Variants in PCDH17 observed in about 807,000 individuals in gnomAD.
PCDH17 encodes the protein protocadherin-17.
In PCDH17, 21 loss-of-function variants were observed where a neutral mutation model predicts 67.7. The observed-to-expected ratio is 0.31, with a 90% CI of 0.22 to 0.45. PCDH17 has a LOEUF of 0.45. Among genes scored for constraint, PCDH17 ranks in the 20% least tolerant of loss-of-function variants. PCDH17 has a pLI of 1.00. For synonymous variants in PCDH17, 701 were observed against 656.7 expected (o/e 1.07, Z -1.03); for missense variants, 1,471 against 1,564.8 (o/e 0.94, Z 1.01).
intron 3 of PCDH17, among the ~76,000 whole-genome samples, chr13:57,671,835 G>C (rs1955326140): frequency 6.6e-6 from 1 of 151,968 alleles, no homozygotes; most frequent in Admixed American, 6.6e-5. Flanking sequence ...AAGTGGCGGT[G>C]GGATCATCAC....
chr13:57,729,270 A>G lies in PCDH17; in HGVS notation c.*3976A>G, dbSNP rs1045858228. 2.0e-5 allele frequency: 3 copies of G among 152,126 alleles called. No individual in the cohort carries two copies. The highest frequency in any genetic ancestry group is 2.4e-5 in the African/African-American group (1 of 41,440). 9.4% of individuals were successfully genotyped at this position (152,126 alleles called of 1,614,324 possible). A position where few individuals can be genotyped will look rare whatever the true frequency, so the allele number is the denominator to read the frequency against. ...TTAATGGCTGTGTTTAATGTGATCT[A>G]TCTGGAAAATGAGGACTCCGAATAA... On this transcript the variant is annotated 3_prime_UTR_variant, in exon 4 of 4. Transcript: ENST00000377918.
chr13:57,640,496 C>G (rs773026132), intron 1 of PCDH17, among the ~76,000 whole-genome samples: 1 of 152,022 alleles, frequency 6.6e-6, no homozygotes, highest in East Asian at 1.9e-4. Flanking sequence ...TATTTCTTCT[C>G]TAAGGAACAG....
chr13:57,687,734 A>G (rs1224299919), intron 3 of PCDH17, among the ~76,000 whole-genome samples: 1 of 152,068 alleles, frequency 6.6e-6, no homozygotes, highest in Non-Finnish European at 1.5e-5. Context: ...TTTGACCATG[A>G]ATACCTGAAA....
rs540748860 is a variant in PCDH17, at chr13:57,633,199, G to C, written c.653G>C (p.Gly218Ala). ...HHTLVLTALDGGEPPRSATVQ... is the reference protein window; with the variant it reads ...HHTLVLTALDAGEPPRSATVQ... ...ACGCTCGTGCTGACTGCCCTGGACG[G>C]TGGCGAGCCTCCACGTTCCGCCACC... The change falls in exon 1 of 4, where the codon GGT becomes GCT. Residue 218 changes from glycine to alanine, a missense_variant. Transcript: ENST00000377918. The surrounding 1 kb of genome is among the most constrained non-coding windows in gnomAD (Gnocchi z 6.2). 52 of 1,613,084 alleles carry C rather than the reference G, an allele frequency of 3.2e-5. 1 individual carries two copies. The Admixed American group carries it at 3.5e-4, about 11-fold the overall frequency.
chr13:57,726,126 GT>G lies in PCDH17; in HGVS notation c.*834del, dbSNP rs1490457979. On this transcript the variant is annotated 3_prime_UTR_variant, in exon 4 of 4. Coordinates refer to ENST00000377918, the MANE Select transcript of PCDH17 (RefSeq NM_001040429.3). ...TATGTTTTAAATTTGACATAGAAAA[GT>G]TCTAAAAAATAGTTACCATTGAGTG... The G allele has an allele frequency of 6.6e-6, 1 of 152,512 alleles. No individual in the cohort carries two copies. The highest frequency in any genetic ancestry group is 1.5e-5 in the Non-Finnish European group (1 of 68,004). 9.4% of individuals were successfully genotyped at this position (152,512 alleles called of 1,614,324 possible).
In PCDH17 at chr13:57,726,670, A is replaced by G. The variant is rs1160318137; in HGVS notation, c.*1376A>G. ...GTCATGGTTATGTGCAAGTCCTTGT[A>G]GAAGCTTTTATTAAAGTCATGCTAA... On this transcript the variant is annotated 3_prime_UTR_variant, in exon 4 of 4. Transcript: ENST00000377918. The G allele has an allele frequency of 6.6e-6, 1 of 152,644 alleles. No individual in the cohort carries two copies. The highest frequency in any genetic ancestry group is 1.5e-5 in the Non-Finnish European group (1 of 68,040). The allele number at this position is 152,644 out of a possible 1,614,324, so 9.5% of individuals were successfully genotyped here.
At chr13:57,654,858 A>T (rs1955084333) in intron 1 of PCDH17, among the ~76,000 whole-genome samples, 1 of 151,954 alleles carries the variant, frequency 6.6e-6, no homozygotes, top group African/African-American at 2.4e-5. Context: ...CATTAATTTG[A>T]TTAATAATTA....
At chr13:57,704,736 T>C (rs930573027) in intron 3 of PCDH17, among the ~76,000 whole-genome samples, 8 of 152,196 alleles carry the variant, frequency 5.3e-5, no homozygotes, top group Middle Eastern at 3.4e-3. Context: ...CATTCTACTT[T>C]GAACAATATC....
chr13:57,639,328 G>GT (rs1566216579), intron 1 of PCDH17, among the ~76,000 whole-genome samples: 1 of 151,688 alleles, frequency 6.6e-6, no homozygotes, highest in African/African-American at 2.4e-5. Context: ...AATGTTTAGA[G>GT]TTTTTTTGGA....
At chr13:57,674,401 A>G (rs1457933691) in intron 3 of PCDH17, among the ~76,000 whole-genome samples, 2 of 151,850 alleles carry the variant, frequency 1.3e-5, no homozygotes, top group Non-Finnish European at 2.9e-5. Context: ...ATCACAGCTC[A>G]TTGCAGCCTT....
intron 3 of PCDH17, among the ~76,000 whole-genome samples, chr13:57,706,954 C>G (rs1955726689): frequency 6.6e-6 from 1 of 152,020 alleles, no homozygotes; most frequent in Non-Finnish European, 1.5e-5. Flanking sequence ...CTCTTTTCCT[C>G]TAATTAATTT....
intron 3 of PCDH17, among the ~76,000 whole-genome samples, chr13:57,700,654 A>T (rs1447613654): frequency 6.6e-6 from 1 of 152,124 alleles, no homozygotes; most frequent in East Asian, 1.9e-4. Flanking sequence ...TGGTGGGAGT[A>T]AATATATTCT....
At chr13:57,631,198 G>T (rs1380792721), upstream of PCDH17, among the ~76,000 whole-genome samples, 1 of 151,910 alleles carries the variant, frequency 6.6e-6, no homozygotes, top group African/African-American at 2.4e-5. Flanking sequence ...TTTATTCCTC[G>T]CCAAGGTTTT....
chr13:57,639,444 T>A (rs2137980409), intron 1 of PCDH17, among the ~76,000 whole-genome samples: 1 of 151,968 alleles, frequency 6.6e-6, no homozygotes, highest in African/African-American at 2.4e-5. Flanking sequence ...AATTTTAATG[T>A]GGCATTTCTC....
intron 1 of PCDH17, among the ~76,000 whole-genome samples, chr13:57,639,350 A>G (rs1345449846): frequency 6.6e-6 from 1 of 151,818 alleles, no homozygotes; most frequent in Non-Finnish European, 1.5e-5. Context: ...AAGAGTTTAT[A>G]ACCCCTAAAA....
At chr13:57,699,347 C>G (rs1424622406) in intron 3 of PCDH17, among the ~76,000 whole-genome samples, 2 of 151,900 alleles carry the variant, frequency 1.3e-5, no homozygotes, top group Non-Finnish European at 2.9e-5. Flanking sequence ...TCCTAAGAAA[C>G]TATTCTCCCA....
In PCDH17 at chr13:57,634,974, C is replaced by T. The variant is rs147572809; in HGVS notation, c.2428C>T (p.Arg810Trp). ...GACCCGCCTGCCCCTCAGCTCGCCCCGGTCGGAGGTGATGTATCTCAAACC... is the reference window on the plus strand; with the variant it reads ...GACCCGCCTGCCCCTCAGCTCGCCCTGGTCGGAGGTGATGTATCTCAAACC... The part of the protein sequence containing the change: ...YQTRLPLSSP[R>W]SEVMYLKPAS... The change falls in exon 1 of 4, where the codon CGG (arginine) becomes TGG (tryptophan). Residue 810 changes from arginine to tryptophan, a missense_variant. Transcript: ENST00000377918. This position sits in a 1 kb window ranked among gnomAD's most constrained non-coding sequence, Gnocchi z 7.8. 7 of 1,613,910 alleles carry T rather than the reference C, an allele frequency of 4.3e-6. No homozygotes were observed. The highest frequency in any genetic ancestry group is 2.2e-5 in the East Asian group (1 of 44,844).
At chr13:57,703,501 G>A (rs1042546796) in intron 3 of PCDH17, among the ~76,000 whole-genome samples, 5 of 152,060 alleles carry the variant, frequency 3.3e-5, no homozygotes, top group African/African-American at 1.2e-4. Flanking sequence ...ATAAAATCAT[G>A]TCTATGTCCC....
chr13:57,634,311 C>A lies in PCDH17; in HGVS notation c.1765C>A (p.Gln589Lys), dbSNP rs1954783669. ...GCCAGTGATCGTGCTCCCCACGCTG[C>A]AGAACGACACCGCGGAGCTGCAGGT... ...NAPVIVLPTL[Q>K]NDTAELQVPR... The change falls in exon 1 of 4, where the codon CAG (glutamine) becomes AAG (lysine). Residue 589 changes from glutamine to lysine, a missense_variant. By Grantham distance (53) the Gln-to-Lys change is moderately conservative. Around this residue, in one of 3 missense-constraint regions of PCDH17, gnomAD observed 1,163 missense variants for 1,230.0 expected, o/e 0.95. Transcript: ENST00000377918. This position sits in a 1 kb window ranked among gnomAD's most constrained non-coding sequence, Gnocchi z 7.8. 1 of 1,612,908 alleles carries A rather than the reference C, an allele frequency of 6.2e-7. No homozygotes were observed. The highest frequency in any genetic ancestry group is 1.3e-5 in the African/African-American group (1 of 74,942).
Sources: allele counts gnomAD v4.1 joint callset (sites outside exome capture counted in the v4.1 genomes callset), GRCh38; gene constraint gnomAD v4.1.1; regional missense constraint gnomAD v4.1.1; non-coding constraint Gnocchi (gnomAD v3.1); transcripts MANE v1.5; gene names NCBI Gene and HGNC (gene_info 2026-07-23, HGNC 2026-07-21).